CNTNAP2: variants seen among roughly 807,000 people sequenced by gnomAD.
The protein encoded by CNTNAP2 is contactin associated protein 2.
A neutral mutation model predicts 155.2 loss-of-function variants in CNTNAP2; 98 were observed. The ratio of observed to expected loss-of-function variants is 0.63; its 90% confidence interval spans 0.54 to 0.75. CNTNAP2 has a LOEUF of 0.75. Among genes scored for constraint, CNTNAP2 ranks in the 30% least tolerant of loss-of-function variants. The pLI is 0.00. For synonymous variants in CNTNAP2, 651 were observed against 631.2 expected (o/e 1.03, Z -0.47); for missense variants, 1,727 against 1,688.1 (o/e 1.02, Z -0.40).
At chr7:146,499,546 C>A (rs6948328) in intron 1 of CNTNAP2, among the ~76,000 whole-genome samples, 12,746 of 152,148 alleles carry the variant, frequency 0.084, 1,402 homozygotes, top group African/African-American at 0.25. Flanking sequence ...CATTTGCATT[C>A]TATATGAATT....
intron 1 of CNTNAP2, among the ~76,000 whole-genome samples, chr7:146,507,507 G>A (rs555282384): frequency 6.6e-5 from 10 of 152,266 alleles, no homozygotes; most frequent in African/African-American, 2.2e-4. Flanking sequence ...TGTTTTCTGA[G>A]CCAAATGGAG....
chr7:148,316,454 A>C (rs1797691536), intron 21 of CNTNAP2, among the ~76,000 whole-genome samples: 1 of 152,208 alleles, frequency 6.6e-6, no homozygotes, highest in African/African-American at 2.4e-5. Flanking sequence ...CACAGTCATA[A>C]TTGGCACCAG....
Position 147,083,552 on chromosome 7 carries a change from A to ATATATATACACATATATATG in CNTNAP2, c.551-24587_551-24586insCACATATATATGTATATATA, listed in dbSNP as rs1563070305. Among the ~76,000 whole-genome samples, 104 of 127,710 alleles carry ATATATATACACATATATATG rather than the reference A, an allele frequency of 8.1e-4. 1 individual carries two copies. Among genetic ancestry groups the ATATATATACACATATATATG allele is most frequent in the Admixed American group, 1.5e-3 (20 of 13,370 alleles). 83.8% of individuals were successfully genotyped at this position (127,710 alleles called of 152,430 possible). A position where few individuals can be genotyped will look rare whatever the true frequency, so the allele number is the denominator to read the frequency against. ...TATATATATACATATATATATATGT[A>ATATATATACACATATATATG]TATATATATATACACATATATATGT... On this transcript the variant is annotated intron_variant, in intron 4 of 23. Coordinates refer to ENST00000361727, the MANE Select transcript of CNTNAP2 (RefSeq NM_014141.6).
chr7:146,754,601 A>C (rs994070910), intron 1 of CNTNAP2, among the ~76,000 whole-genome samples: 6 of 150,774 alleles, frequency 4.0e-5, no homozygotes, highest in Non-Finnish European at 8.9e-5. Context: ...CCTGGCTGCA[A>C]TAATAATACT....
At chr7:147,107,062 T>C (rs1800780018) in intron 4 of CNTNAP2, among the ~76,000 whole-genome samples, 1 of 152,224 alleles carries the variant, frequency 6.6e-6, no homozygotes, top group Non-Finnish European at 1.5e-5. Flanking sequence ...TTATTAGAGC[T>C]GTTCCGTTTG....
chr7:146,117,972 A>G lies in CNTNAP2; in HGVS notation c.97+999A>G, dbSNP rs6977314. On this transcript the variant is annotated intron_variant, in intron 1 of 23. Transcript: ENST00000361727. Reference sequence around the variant, plus strand: ...CGTGGAGATTTCAGAGTTTAAAAGGAAGATTTTTTTGTCCATTTAGGAAAA... The same window carrying G: ...CGTGGAGATTTCAGAGTTTAAAAGGGAGATTTTTTTGTCCATTTAGGAAAA... Among the ~76,000 whole-genome samples the G allele has an allele frequency of 4.3e-3, 649 of 152,334 alleles. 3 individuals carry two copies. The highest frequency in any genetic ancestry group is 0.015 in the African/African-American group (613 of 41,576).
At chr7:146,959,730 AAAAG>A (rs928432334) in intron 3 of CNTNAP2, among the ~76,000 whole-genome samples, 5 of 149,186 alleles carry the variant, frequency 3.4e-5, no homozygotes, top group South Asian at 2.1e-4. Flanking sequence ...AAAAAAAAAA[AAAAG>A]AAAGAAATAA....
intron 3 of CNTNAP2, among the ~76,000 whole-genome samples, chr7:147,040,648 A>C (rs11982799): frequency 0.041 from 6,200 of 151,504 alleles, 149 homozygotes; most frequent in African/African-American, 0.055. Context: ...TTTAGTAGAG[A>C]TAGGGTATCA....
intron 1 of CNTNAP2, among the ~76,000 whole-genome samples, chr7:146,263,466 A>G (rs530353870): frequency 6.6e-6 from 1 of 152,348 alleles, no homozygotes; most frequent in East Asian, 1.9e-4. Flanking sequence ...GTAGAAAAAT[A>G]TAATCTTGGG....
intron 13 of CNTNAP2, among the ~76,000 whole-genome samples, chr7:147,732,725 C>A (rs923298105): frequency 5.9e-5 from 9 of 152,180 alleles, no homozygotes; most frequent in Non-Finnish European, 1.0e-4. Context: ...TAATGACCAC[C>A]ATTCTAACTG....
At chr7:146,932,939 G>A (rs915482392) in intron 3 of CNTNAP2, among the ~76,000 whole-genome samples, 8 of 152,060 alleles carry the variant, frequency 5.3e-5, no homozygotes, top group African/African-American at 1.9e-4. Flanking sequence ...AATAAAACAG[G>A]ATACAAAGAA....
intron 3 of CNTNAP2, among the ~76,000 whole-genome samples, chr7:146,941,886 G>A (rs376975507): frequency 4.1e-4 from 62 of 151,826 alleles, no homozygotes; most frequent in Middle Eastern, 3.5e-3. Context: ...TTCCTTATAT[G>A]TTATTTGCTG....
intron 1 of CNTNAP2, among the ~76,000 whole-genome samples, chr7:146,337,678 C>T (rs892961343): frequency 1.6e-4 from 25 of 152,072 alleles, no homozygotes; most frequent in African/African-American, 5.8e-4. Context: ...TTATGTTGCC[C>T]AGGCTGGTCT....
rs1246426786 is a variant in CNTNAP2, at chr7:148,155,419, G to GT, written c.2773+7710_2773+7711insT. Among the ~76,000 whole-genome samples the GT allele has an allele frequency of 2.3e-4, 35 of 151,866 alleles. No homozygotes were observed. The East Asian group carries it at 5.6e-3, about 24-fold the overall frequency. ...TTTTGTTTCTTTATTTTGATTTTTT[G>GT]GTTTTTTTTATTTCACTAAAATACA... On this transcript the variant is annotated intron_variant, in intron 17 of 23. Transcript: ENST00000361727.
intron 14 of CNTNAP2, among the ~76,000 whole-genome samples, chr7:147,919,047 A>T (rs1418484399): frequency 6.6e-6 from 1 of 152,166 alleles, no homozygotes; most frequent in East Asian, 1.9e-4. Flanking sequence ...GTGATCAGAA[A>T]GAAATGTGAT....
chr7:147,948,590 C>A (rs1257366380), intron 14 of CNTNAP2, among the ~76,000 whole-genome samples: 1 of 149,070 alleles, frequency 6.7e-6, no homozygotes, highest in African/African-American at 2.5e-5. Context: ...TGTTTTCATA[C>A]ACACAAGCAT....
At chr7:148,115,833 T>C (rs1323144242) in intron 15 of CNTNAP2, among the ~76,000 whole-genome samples, 1 of 151,876 alleles carries the variant, frequency 6.6e-6, no homozygotes, top group African/African-American at 2.4e-5. Context: ...TATGATTTTA[T>C]ACTTTGTTTA....
intron 10 of CNTNAP2, among the ~76,000 whole-genome samples, chr7:147,441,247 T>C (rs1400508128): frequency 6.6e-6 from 1 of 152,088 alleles, no homozygotes; most frequent in Non-Finnish European, 1.5e-5. Context: ...TAAAGGACTC[T>C]GATGCATTCT....
At chr7:147,247,707 G>A (rs1804097478) in intron 8 of CNTNAP2, among the ~76,000 whole-genome samples, 3 of 152,128 alleles carry the variant, frequency 2.0e-5, no homozygotes, top group Non-Finnish European at 4.4e-5. Flanking sequence ...ATTTGCAAGA[G>A]TATATGGAAT....
Sources: allele counts gnomAD v4.1 joint callset (sites outside exome capture counted in the v4.1 genomes callset), GRCh38; gene constraint gnomAD v4.1.1; transcripts MANE v1.5; gene names NCBI Gene and HGNC (gene_info 2026-07-23, HGNC 2026-07-21).